PHC1: variants seen among roughly 807,000 people sequenced by gnomAD.
The protein encoded by PHC1 is polyhomeotic-like protein 1.
PHC1 carries 12 observed loss-of-function variants against 104.3 expected under a neutral mutation model. The observed-to-expected ratio is 0.12, with a 90% CI of 0.07 to 0.19. PHC1 has a LOEUF of 0.19. Ranked by LOEUF, PHC1 falls within the 10% of genes least tolerant of loss-of-function variation. The pLI is 1.00. For synonymous variants in PHC1, 302 were observed against 455.8 expected (o/e 0.66, Z 4.30); for missense variants, 671 against 1,200.0 (o/e 0.56, Z 6.51).
At chr12:8,927,350 C>A (rs758096286) in intron 6 of PHC1, among the ~76,000 whole-genome samples, 10 of 152,138 alleles carry the variant, frequency 6.6e-5, no homozygotes, top group African/African-American at 1.9e-4. Context: ...GAAGGTGGAA[C>A]TGGGGAGGGG....
At position 8,919,663 on chromosome 12, in the gene PHC1, TC is replaced by T; in HGVS notation, c.115-90del. On this transcript the variant is annotated intron_variant, in intron 2 of 14. Coordinates refer to ENST00000544916, the MANE Select transcript of PHC1 (RefSeq NM_004426.3). This position sits in a 1 kb window ranked among gnomAD's most constrained non-coding sequence, Gnocchi z 4.9. ...TCCCATCTCCTCTGGTTTCTGTCCTTCCCATGGCCCCCTTTCACACAAATAC... is the reference window on the plus strand; with the variant it reads ...TCCCATCTCCTCTGGTTTCTGTCCTTCCATGGCCCCCTTTCACACAAATAC... The T allele has an allele frequency of 1.6e-6, 2 of 1,279,334 alleles. No homozygotes were observed. The highest frequency in any genetic ancestry group is 2.2e-6 in the Non-Finnish European group (2 of 915,602). 79.2% of individuals were successfully genotyped at this position (1,279,334 alleles called of 1,614,324 possible).
chr12:8,925,728 G>T (rs1032473173), intron 6 of PHC1, among the ~76,000 whole-genome samples: 1 of 152,122 alleles, frequency 6.6e-6, no homozygotes, highest in African/African-American at 2.4e-5. Context: ...GCTGTGTTTA[G>T]GATTTTGGGC....
In PHC1 at chr12:8,919,844, A is replaced by G. The variant is rs1945308673; in HGVS notation, c.203A>G (p.His68Arg). 2 of 1,604,002 alleles carry G rather than the reference A, an allele frequency of 1.2e-6. No individual in the cohort carries two copies. Among genetic ancestry groups the G allele is most frequent in the Admixed American group, 1.7e-5 (1 of 58,826 alleles). The stretch of plus-strand genomic sequence containing the variant: ...CAGCAGCTCAGTAATGCCCAGCTGC[A>G]TAGCCTGGCTGCCGTCCAGCAGGTG... Reference protein sequence around the residue: ...LQQQLSNAQLHSLAAVQQATI... With the variant: ...LQQQLSNAQLRSLAAVQQATI... Residue 68 changes from histidine to arginine, a missense_variant, in exon 3 of 15, where the codon CAT becomes CGT. By Grantham distance (29) the His-to-Arg change is conservative. Transcript: ENST00000544916. The surrounding 1 kb of genome is among the most constrained non-coding windows in gnomAD (Gnocchi z 4.9).
intron 14 of PHC1, 114 bp downstream of exon 14, chr12:8,938,174 T>A (rs1945896341): frequency 5.9e-6 from 4 of 681,314 alleles, no homozygotes; most frequent in Middle Eastern, 4.9e-4. Context: ...TGAATGCTAA[T>A]ATAGAGGCTC....
Position 8,938,002 on chromosome 12 carries a change from C to G in PHC1, c.2802C>G (p.Ser934=). Residue 934 remains serine, a synonymous_variant, in exon 14 of 15, where the codon TCC becomes TCG. Coordinates refer to ENST00000544916, the MANE Select transcript of PHC1 (RefSeq NM_004426.3). ...ATGGCATCAACCCTGTGTTCCTGTC[C>G]AGTAATCCCAGCCGTTGGAGTGTAG... ...ELHGINPVFL[S]SNPSRWSVEE... is the part of the protein sequence containing the mutation. 1 of 1,607,656 alleles carries G rather than the reference C, an allele frequency of 6.2e-7. No homozygotes were observed. The highest frequency in any genetic ancestry group is 1.3e-5 in the African/African-American group (1 of 74,930).
intron 1 of PHC1, among the ~76,000 whole-genome samples, chr12:8,917,355 T>C (rs979333361): frequency 4.6e-5 from 7 of 152,218 alleles, no homozygotes; most frequent in African/African-American, 1.7e-4. Context: ...AGGTGCCATC[T>C]CACATTCTGG....
rs1241080074 is a variant in PHC1 at position 8,932,593 on chromosome 12, T to C, written c.1136T>C (p.Leu379Pro). Reference sequence around the variant, plus strand: ...TACACACAGATCCAGCCCCATTCACTGATTCAGCAACAGCAACAGATCCAC... The same window carrying C: ...TACACACAGATCCAGCCCCATTCACCGATTCAGCAACAGCAACAGATCCAC... ...ATYTQIQPHS[L>P]IQQQQQIHLQ... The change falls in exon 8 of 15, where the codon CTG (leucine) becomes CCG (proline). Residue 379 changes from leucine to proline, a missense_variant. Transcript: ENST00000544916. 3 of 1,614,048 alleles carry C rather than the reference T, an allele frequency of 1.9e-6. No homozygotes were observed. The highest frequency in any genetic ancestry group is 2.5e-6 in the Non-Finnish European group (3 of 1,179,884).
In PHC1 at chr12:8,939,786, A is replaced by G. The variant is rs1365282016; in HGVS notation, c.*327A>G. ...TATCCTGGAGTGGAGCATTTAGCCC[A>G]GGTCTTAATTCTCCAAGAGGAGGAA... On this transcript the variant is annotated 3_prime_UTR_variant, in exon 15 of 15. Transcript: ENST00000544916. 3 of 484,806 alleles carry G rather than the reference A, an allele frequency of 6.2e-6. No individual in the cohort carries two copies. In the East Asian group the frequency reaches 1.8e-4, roughly 29 times the overall value. The allele number at this position is 484,806 out of a possible 1,614,324, so 30.0% of individuals were successfully genotyped here. A position where few individuals can be genotyped will look rare whatever the true frequency, so the allele number is the denominator to read the frequency against.
chr12:8,938,536 CT>C (rs1338775285), intron 14 of PHC1, among the ~76,000 whole-genome samples: 3 of 151,510 alleles, frequency 2.0e-5, no homozygotes, highest in Non-Finnish European at 4.4e-5. Context: ...TCTGCCTTGG[CT>C]TCCCAAAGTG....
At chr12:8,924,001 A>G (rs750872311) in intron 6 of PHC1, among the ~76,000 whole-genome samples, 3 of 152,330 alleles carry the variant, frequency 2.0e-5, no homozygotes, top group African/African-American at 7.2e-5. Flanking sequence ...AAGATGTGCT[A>G]TGTGCACAGA....
At chr12:8,918,984 C>T (rs906465073) in intron 2 of PHC1, among the ~76,000 whole-genome samples, 5 of 152,160 alleles carry the variant, frequency 3.3e-5, no homozygotes, top group African/African-American at 9.7e-5. Flanking sequence ...ATTGACCAAA[C>T]AGTGGATATG....
intron 1 of PHC1, chr12:8,916,175 A>G (rs920172256): frequency 6.5e-6 from 1 of 154,254 alleles, no homozygotes; most frequent in African/African-American, 2.4e-5. Context: ...GGTAATATAC[A>G]TGTTTGCAGT....
chr12:8,921,799 C>T (rs1343782436), intron 5 of PHC1, 49 bp downstream of exon 5: 2 of 1,509,628 alleles, frequency 1.3e-6, no homozygotes, highest in African/African-American at 2.9e-5. Flanking sequence ...AATTGTCTGG[C>T]CCTGGCAAAG....
intron 6 of PHC1, 56 bp downstream of exon 6, chr12:8,922,844 C>T (rs1945405240): frequency 6.6e-7 from 1 of 1,513,306 alleles, no homozygotes; most frequent in Non-Finnish European, 9.1e-7. Context: ...AAGGGAATGA[C>T]CACGGACCTG....
chr12:8,926,863 C>T (rs375451473), intron 6 of PHC1, among the ~76,000 whole-genome samples: 1 of 152,102 alleles, frequency 6.6e-6, no homozygotes, highest in Admixed American at 6.5e-5. Context: ...TGCAGTGAGC[C>T]GAGATCGCGC....
intron 14 of PHC1, among the ~76,000 whole-genome samples, chr12:8,938,742 T>C (rs1022111724): frequency 1.3e-5 from 2 of 152,238 alleles, no homozygotes; most frequent in Admixed American, 6.5e-5. Context: ...CCCTTTCCCC[T>C]GTCTCTAAGC....
intron 11 of PHC1, among the ~76,000 whole-genome samples, chr12:8,936,593 A>C (rs1945844835): frequency 6.6e-6 from 1 of 152,184 alleles, no homozygotes; most frequent in African/African-American, 2.4e-5. Context: ...GAAATCTAAG[A>C]GTATGAATTA....
At chr12:8,917,100 T>C (rs1349746752) in intron 1 of PHC1, among the ~76,000 whole-genome samples, 1 of 152,240 alleles carries the variant, frequency 6.6e-6, no homozygotes, top group Non-Finnish European at 1.5e-5. Flanking sequence ...GAAAACCTTA[T>C]GTCTCAAATT....
In PHC1 at chr12:8,936,931, C is replaced by T. The variant is rs752060342; in HGVS notation, c.2444C>T (p.Ser815Phe). ...GCCCCCGCAGAGCAGTTTCGTGGCT[C>T]TAAGAGGTTCTGCTCCATGACTTGC... is the stretch of plus-strand genomic sequence containing the variant. ...KYAPAEQFRG[S>F]KRFCSMTCAK... Residue 815 changes from serine to phenylalanine, a missense_variant, in exon 12 of 15, where the codon TCT becomes TTT. This residue lies in a region of PHC1 where 192 missense variants were observed against 280.5 expected (regional missense o/e 0.68). Transcript: ENST00000544916. 6.2e-7 allele frequency: 1 copy of T among 1,612,456 alleles called. No individual in the cohort carries two copies. Among genetic ancestry groups the T allele is most frequent in the South Asian group, 1.1e-5 (1 of 90,932 alleles).
Sources: allele counts gnomAD v4.1 joint callset (sites outside exome capture counted in the v4.1 genomes callset), GRCh38; gene constraint gnomAD v4.1.1; regional missense constraint gnomAD v4.1.1; non-coding constraint Gnocchi (gnomAD v3.1); transcripts MANE v1.5; gene names NCBI Gene and HGNC (gene_info 2026-07-23, HGNC 2026-07-21).